KIAA0930: variants seen among roughly 807,000 people sequenced by gnomAD.
KIAA0930 encodes the protein KIAA0930.
Under a neutral mutation model 43.9 loss-of-function variants are expected in KIAA0930, and 24 were observed. The ratio of observed to expected loss-of-function variants is 0.55; its 90% CI spans 0.40 to 0.77. KIAA0930 has a LOEUF of 0.77. KIAA0930 is among the 30% of genes least tolerant of loss of function. The pLI, the probability that KIAA0930 is intolerant of heterozygous loss-of-function variation, is 0.00. For missense variants in KIAA0930, 461 were observed against 574.2 expected (o/e 0.80, Z 2.02); for synonymous variants, 259 against 216.4 (o/e 1.20, Z -1.73).
intron 2 of KIAA0930, among the ~76,000 whole-genome samples, chr22:45,209,259 T>C (rs1460846967): frequency 6.6e-6 from 1 of 152,140 alleles, no homozygotes; most frequent in Non-Finnish European, 1.5e-5. Context: ...CGCAGAGGAC[T>C]TGCAGTGCGC....
chr22:45,225,075 G>A (rs1180168710), intron 1 of KIAA0930, among the ~76,000 whole-genome samples: 1 of 152,150 alleles, frequency 6.6e-6, no homozygotes, highest in Non-Finnish European at 1.5e-5. Context: ...TGGTCCAAAG[G>A]TGGGGGTCAA....
intron 1 of KIAA0930, among the ~76,000 whole-genome samples, chr22:45,223,496 A>C (rs747074862): frequency 1.3e-5 from 2 of 152,054 alleles, no homozygotes; most frequent in Admixed American, 6.5e-5. Context: ...AATGGTATCT[A>C]CCTCCTGGGT....
At chr22:45,224,548 C>T (rs2083786948) in intron 1 of KIAA0930, among the ~76,000 whole-genome samples, 1 of 152,228 alleles carries the variant, frequency 6.6e-6, no homozygotes, top group Non-Finnish European at 1.5e-5. Context: ...ACCCACTCGT[C>T]CTCACATCAG....
chr22:45,208,397 C>T (rs191677103), intron 2 of KIAA0930, among the ~76,000 whole-genome samples: 3,154 of 120,596 alleles, frequency 0.026, 78 homozygotes, highest in Non-Finnish European at 0.04. Flanking sequence ...AGGTAGAACC[C>T]GCCAACTCCA....
chr22:45,221,878 G>A (rs529919865), intron 1 of KIAA0930, among the ~76,000 whole-genome samples: 15 of 152,284 alleles, frequency 9.9e-5, no homozygotes, highest in African/African-American at 3.4e-4. Flanking sequence ...GGGACTACAG[G>A]CATGCGCAAC....
At chr22:45,200,064 G>A (rs200361026) in intron 7 of KIAA0930, 29 bp from the exon 8 acceptor site, 5 of 1,573,192 alleles carry the variant, frequency 3.2e-6, no homozygotes, top group Non-Finnish European at 4.3e-6. Flanking sequence ...AGTCACCAGA[G>A]TAGCAGAACA....
At chr22:45,223,023 C>T (rs988559202) in intron 1 of KIAA0930, among the ~76,000 whole-genome samples, 1 of 152,172 alleles carries the variant, frequency 6.6e-6, no homozygotes, top group South Asian at 2.1e-4. Context: ...AAATCACAAA[C>T]GCATTTTACC....
At chr22:45,219,881 C>T (rs550669804) in intron 1 of KIAA0930, among the ~76,000 whole-genome samples, 2 of 152,108 alleles carry the variant, frequency 1.3e-5, no homozygotes, top group East Asian at 3.9e-4. Flanking sequence ...TGAACCACTG[C>T]GCCCAGCCCA....
chr22:45,198,769 C>A (rs1474084049), intron 8 of KIAA0930, among the ~76,000 whole-genome samples: 2 of 152,234 alleles, frequency 1.3e-5, no homozygotes, highest in Non-Finnish European at 2.9e-5. Context: ...CCTGCCTCAG[C>A]CTCCTGAGTA....
chr22:45,200,100 C>A, intron 7 of KIAA0930, 65 bp from the exon 8 acceptor site: 1 of 1,456,858 alleles, frequency 6.9e-7, no homozygotes, highest in African/African-American at 1.5e-5. Context: ...GTCCCAACGC[C>A]CCTCCTATCC....
At chr22:45,204,272 C>T (rs913493930) in intron 5 of KIAA0930, among the ~76,000 whole-genome samples, 3 of 152,188 alleles carry the variant, frequency 2.0e-5, no homozygotes, top group South Asian at 2.1e-4. Context: ...CGTCAGCCAC[C>T]GTCTGGGCCC....
chr22:45,240,607 C>T (rs951405227), intron 1 of KIAA0930, 33 bp downstream of exon 1: 35 of 1,491,856 alleles, frequency 2.3e-5, no homozygotes, highest in South Asian at 1.5e-4. Context: ...GCTCACCTCT[C>T]CCGGCCCGGC....
chr22:45,198,710 C>A (rs1365356671), intron 8 of KIAA0930, among the ~76,000 whole-genome samples: 1 of 152,138 alleles, frequency 6.6e-6, no homozygotes, highest in Non-Finnish European at 1.5e-5. Context: ...AGTGCAGTGG[C>A]ACGATCTCGG....
At chr22:45,236,582 C>A (rs745629598) in intron 1 of KIAA0930, among the ~76,000 whole-genome samples, 10 of 152,102 alleles carry the variant, frequency 6.6e-5, no homozygotes, top group Admixed American at 5.9e-4. Flanking sequence ...GGCCAGGCTG[C>A]CACACAACCT....
chr22:45,223,892 T>C (rs1290540763), intron 1 of KIAA0930, among the ~76,000 whole-genome samples: 2 of 147,738 alleles, frequency 1.4e-5, no homozygotes. Context: ...GGGTCAGCAC[T>C]GAGACAGCAC....
intron 1 of KIAA0930, among the ~76,000 whole-genome samples, chr22:45,231,168 G>A (rs1435518961): frequency 2.0e-5 from 3 of 147,922 alleles, no homozygotes; most frequent in Non-Finnish European, 3.0e-5. Context: ...CAGGAGAATC[G>A]CTTGAACCCA....
At chr22:45,206,112 C>A (rs1322910338) in intron 2 of KIAA0930, among the ~76,000 whole-genome samples, 200 bp from the exon 3 acceptor site, 1 of 152,208 alleles carries the variant, frequency 6.6e-6, no homozygotes. Flanking sequence ...ACCTCCTGGG[C>A]TCAAATGATC....
intron 1 of KIAA0930, among the ~76,000 whole-genome samples, chr22:45,220,387 G>A (rs1279992150): frequency 1.3e-5 from 2 of 151,928 alleles, no homozygotes; most frequent in African/African-American, 4.8e-5. Flanking sequence ...TCCAGGAGGC[G>A]GAGGTTGCAG....
In KIAA0930 at chr22:45,197,839, G is replaced by C; in HGVS notation, c.1125C>G (p.Leu375=). 1 of 1,614,222 alleles carries C rather than the reference G, an allele frequency of 6.2e-7. No homozygotes were observed. The highest frequency in any genetic ancestry group is 8.5e-7 in the Non-Finnish European group (1 of 1,180,024). Reference sequence around the variant, plus strand: ...ACGTGACGTAGGTTAAGTGTGCATAGAGAAGGAAGTTTCCATCTGCTCTGT... The same window carrying C: ...ACGTGACGTAGGTTAAGTGTGCATACAGAAGGAAGTTTCCATCTGCTCTGT... The part of the protein sequence containing the change: ...KLNRADGNFL[L]YAHLTYVTLP... Residue 375 remains leucine (L), a synonymous_variant, in exon 9 of 10, where the codon CTC becomes CTG. Transcript: ENST00000336156.
Sources: allele counts gnomAD v4.1 joint callset (sites outside exome capture counted in the v4.1 genomes callset), GRCh38; gene constraint gnomAD v4.1.1; transcripts MANE v1.5; gene names NCBI Gene and HGNC (gene_info 2026-07-23, HGNC 2026-07-21).